The following IKZF3 variants were observed in gnomAD, a reference collection of about 807,000 sequenced individuals.
IKZF3 encodes IKAROS family zinc finger 3, also known as zinc finger protein Aiolos.
In IKZF3, 10 loss-of-function variants were observed where a neutral mutation model predicts 49.0. That is an observed-to-expected ratio of 0.20 (90% confidence interval 0.13 to 0.35). The LOEUF is 0.35. Among genes scored for constraint, IKZF3 ranks in the 10% least tolerant of loss-of-function variants. The probability of loss-of-function intolerance (pLI) is 1.00; values close to 1 mark genes in which losing one functional copy is unlikely to be tolerated. For missense variants in IKZF3, 498 were observed against 664.8 expected, an observed-to-expected ratio of 0.75 and a Z score of 2.76; for synonymous variants, 209 against 228.2, an observed-to-expected ratio of 0.92 and a Z score of 0.76.
rs1373769314 is a variant in IKZF3, at chr17:39,798,998, T to TGC, written c.164-6066_164-6065insGC. ...TATACAGATTGTGTGTGTGTGTGCGTGTGTGTGTGTGTGTGTGTGTGTTTA... is the reference window on the plus strand; with the variant it reads ...TATACAGATTGTGTGTGTGTGTGCGTGCGTGTGTGTGTGTGTGTGTGTGTTTA... On this transcript the variant is annotated intron_variant, in intron 3 of 7. Coordinates refer to ENST00000346872, the MANE Select transcript of IKZF3 (RefSeq NM_012481.5). Among the ~76,000 whole-genome samples the TGC allele has an allele frequency of 2.9e-5, 4 of 138,378 alleles. No individual in the cohort carries two copies. The East Asian group carries it at 7.9e-4, about 27-fold the overall frequency. The allele number at this position is 138,378 out of a possible 152,430, so 90.8% of individuals were successfully genotyped here.
Position 39,819,209 on chromosome 17 carries a change from C to A in IKZF3, c.163+10178G>T, listed in dbSNP as rs188664328. 5.1e-3 allele frequency among the ~76,000 whole-genome samples: 778 copies of A among 152,234 alleles called. 7 individuals carry two copies. The highest frequency in any genetic ancestry group is 9.5e-3 in the Admixed American group (146 of 15,302). On this transcript the variant is annotated intron_variant, in intron 3 of 7. Coordinates refer to ENST00000346872, the MANE Select transcript of IKZF3 (RefSeq NM_012481.5). ...TTTAATCTGTTTTTTTTACCACAAA[C>A]TATCTGAAAATATAAAACTCATAGG... is the stretch of plus-strand genomic sequence containing the variant.
At chr17:39,816,988 A>G (rs1188090082) in intron 3 of IKZF3, among the ~76,000 whole-genome samples, 1 of 152,250 alleles carries the variant, frequency 6.6e-6, no homozygotes, top group Non-Finnish European at 1.5e-5. Flanking sequence ...TGCTGGGATT[A>G]CAGGCCTGAG....
chr17:39,861,869 T>C (rs1185311439), intron 1 of IKZF3, among the ~76,000 whole-genome samples: 1 of 152,216 alleles, frequency 6.6e-6, no homozygotes, highest in Non-Finnish European at 1.5e-5. Flanking sequence ...TTATCTCTTA[T>C]GTACCTTGCT....
rs748075678 is a variant in IKZF3 at position 39,766,389 on chromosome 17, C to A, written c.931G>T (p.Ala311Ser). 1.9e-6 allele frequency: 3 copies of A among 1,614,032 alleles called. No homozygotes were observed. The highest frequency in any genetic ancestry group is 1.3e-5 in the African/African-American group (1 of 74,906). Residue 311 changes from alanine (A) to serine (S), a missense_variant, in exon 8 of 8, where the codon GCC (alanine) becomes TCC (serine). Ala to Ser is a moderately conservative substitution (Grantham distance 99). Coordinates refer to ENST00000346872, the MANE Select transcript of IKZF3 (RefSeq NM_012481.5). ...TRMMDQAINN[A>S]ISYLGAEALR... The stretch of plus-strand genomic sequence containing the variant: ...GCTTCGGCGCCAAGATAGCTGATGG[C>A]GTTATTGATGGCTTGGTCCATCATG...
At position 39,760,737 on chromosome 17, in the gene IKZF3, C is replaced by A. The variant is rs2060164688; in HGVS notation, c.*5053G>T. On this transcript the variant is annotated 3_prime_UTR_variant, in exon 8 of 8. Transcript: ENST00000346872. ...GCTACCTGGAAAAACTTTGTTCTGT[C>A]TGTTCCTCACGAAACAAAGCCGAAA... 1.3e-5 allele frequency: 2 copies of A among 152,280 alleles called. No individual in the cohort carries two copies. Among genetic ancestry groups the A allele is most frequent in the South Asian group, 4.1e-4 (2 of 4,836 alleles). The allele number at this position is 152,280 out of a possible 1,614,324, so 9.4% of individuals were successfully genotyped here. A position where few individuals can be genotyped will look rare whatever the true frequency, so the allele number is the denominator to read the frequency against.
intron 3 of IKZF3, among the ~76,000 whole-genome samples, chr17:39,793,542 C>T (rs2061083611): frequency 6.6e-6 from 1 of 152,130 alleles, no homozygotes; most frequent in Admixed American, 6.5e-5. Flanking sequence ...AGGAAGTTGT[C>T]AGTACTAATG....
chr17:39,839,448 C>T, intron 1 of IKZF3: 1 of 589,216 alleles, frequency 1.7e-6, no homozygotes, highest in Non-Finnish European at 3.3e-6. Context: ...CATCTAAATC[C>T]ACTGCGGAAT....
At chr17:39,836,050 C>T in intron 1 of IKZF3, 1 of 645,116 alleles carries the variant, frequency 1.6e-6, no homozygotes, top group South Asian at 1.5e-5. Flanking sequence ...TACTTGGTCT[C>T]CAGCATCTTG....
intron 3 of IKZF3, among the ~76,000 whole-genome samples, chr17:39,811,445 G>GAAGA (rs557734398): frequency 1.3e-5 from 2 of 150,562 alleles, no homozygotes; most frequent in South Asian, 2.1e-4. Context: ...AGGAAGGAAG[G>GAAGA]AAGAAAGAAA....
rs114270528 is a variant in IKZF3, at chr17:39,803,513, T to C, written c.164-10580A>G. ...TCCCTTGCATAGAATATTCACTCTA[T>C]CTTTTTTTTTTTTTTTTGAGACAGA... On this transcript the variant is annotated intron_variant, in intron 3 of 7. Coordinates refer to ENST00000346872, the MANE Select transcript of IKZF3 (RefSeq NM_012481.5). Among the ~76,000 whole-genome samples, 1,037 of 150,926 alleles carry C rather than the reference T, an allele frequency of 6.9e-3. 14 individuals carry two copies. Among genetic ancestry groups the C allele is most frequent in the African/African-American group, 0.024 (993 of 40,724 alleles).
intron 3 of IKZF3, among the ~76,000 whole-genome samples, chr17:39,825,023 C>A (rs2061921088): frequency 6.6e-6 from 1 of 152,168 alleles, no homozygotes; most frequent in Non-Finnish European, 1.5e-5. Flanking sequence ...AAGTGTCTGG[C>A]ATTTCCCTGC....
intron 3 of IKZF3, among the ~76,000 whole-genome samples, chr17:39,819,460 A>G (rs1261650267): frequency 2.0e-5 from 3 of 152,122 alleles, no homozygotes; most frequent in Admixed American, 6.6e-5. Context: ...CTGATACAAC[A>G]TCATATGCCT....
intron 3 of IKZF3, among the ~76,000 whole-genome samples, chr17:39,823,395 A>G (rs2061863247): frequency 6.6e-6 from 1 of 152,200 alleles, no homozygotes; most frequent in African/African-American, 2.4e-5. Flanking sequence ...AAAGTTTGGA[A>G]AATTTGCAGC....
intron 6 of IKZF3, among the ~76,000 whole-genome samples, chr17:39,783,171 T>G (rs1342989226): frequency 1.3e-5 from 2 of 152,208 alleles, no homozygotes; most frequent in Non-Finnish European, 2.9e-5. Context: ...AGTCAGTCAG[T>G]AACTAATGGA....
chr17:39,794,432 T>C (rs1002733093), intron 3 of IKZF3, among the ~76,000 whole-genome samples: 2 of 152,244 alleles, frequency 1.3e-5, no homozygotes, highest in African/African-American at 4.8e-5. Context: ...GAAGTACAAC[T>C]GCAGCTGTGC....
At chr17:39,787,420 G>A (rs1033293012) in intron 6 of IKZF3, among the ~76,000 whole-genome samples, 1 of 152,216 alleles carries the variant, frequency 6.6e-6, no homozygotes, top group Non-Finnish European at 1.5e-5. Context: ...TAAATCATAT[G>A]AGTAGACAAG....
intron 1 of IKZF3, chr17:39,839,571 G>T: frequency 2.0e-6 from 1 of 497,602 alleles, no homozygotes. Context: ...GAGAAAGGAA[G>T]AGAGGACTGT....
At chr17:39,807,544 ATTTTT>A (rs890371023) in intron 3 of IKZF3, among the ~76,000 whole-genome samples, 9 of 80,784 alleles carry the variant, frequency 1.1e-4, no homozygotes, top group South Asian at 1.2e-3. Flanking sequence ...GACTATTTAA[ATTTTT>A]TTTTTTTTTT....
intron 3 of IKZF3, among the ~76,000 whole-genome samples, chr17:39,814,690 C>T (rs566800857): frequency 1.3e-5 from 2 of 152,060 alleles, no homozygotes; most frequent in South Asian, 4.2e-4. Context: ...GCTGCCATGA[C>T]CAAGGAACAC....
Sources: allele counts gnomAD v4.1 joint callset (sites outside exome capture counted in the v4.1 genomes callset), GRCh38; gene constraint gnomAD v4.1.1; transcripts MANE v1.5; gene names NCBI Gene and HGNC (gene_info 2026-07-23, HGNC 2026-07-21).